The following STARD13 variants were observed in gnomAD, a reference collection of about 807,000 sequenced individuals.
STARD13 encodes StAR related lipid transfer domain containing 13.
A neutral mutation model predicts 106.4 loss-of-function variants in STARD13; 62 were observed. The observed-to-expected ratio is 0.58, with a 90% confidence interval of 0.48 to 0.72. The LOEUF (loss-of-function observed/expected upper bound fraction) is 0.72. Among genes scored for constraint, STARD13 ranks in the 30% least tolerant of loss-of-function variants. STARD13 has a pLI of 0.00. For missense variants in STARD13, 1,387 were observed against 1,424.0 expected (o/e 0.97, Z 0.42); for synonymous variants, 565 against 553.0 (o/e 1.02, Z -0.31).
chr13:33,634,999 A>G, the STARD13 span, among the ~76,000 whole-genome samples: 1 of 152,202 alleles, frequency 6.6e-6, no homozygotes, highest in Admixed American at 6.5e-5. Flanking sequence ...CTTTGGAGAT[A>G]CTACCAAAGG....
At chr13:33,514,957 G>A in the STARD13 span, among the ~76,000 whole-genome samples, 1 of 152,110 alleles carries the variant, frequency 6.6e-6, no homozygotes, top group Non-Finnish European at 1.5e-5. Context: ...TGGGAGTGGA[G>A]CCTCGGAAAG....
At chr13:33,350,203 GA>G in intron 1 of STARD13, 1 of 1,427,916 alleles carries the variant, frequency 7.0e-7, no homozygotes. Context: ...CTGGAGCCCA[GA>G]GCAGAGGAGG....
chr13:33,609,080 C>T, the STARD13 span, among the ~76,000 whole-genome samples: 225 of 99,176 alleles, frequency 2.3e-3, no homozygotes, highest in African/African-American at 5.0e-3. Context: ...AGCGAGACTC[C>T]GTCTCAAAAA....
chr13:33,457,256 T>A, the STARD13 span, among the ~76,000 whole-genome samples: 2 of 152,212 alleles, frequency 1.3e-5, no homozygotes, highest in African/African-American at 4.8e-5. Context: ...GGAACTTTTG[T>A]GAAATAAACA....
At chr13:33,458,382 C>A in the STARD13 span, among the ~76,000 whole-genome samples, 9 of 151,468 alleles carry the variant, frequency 5.9e-5, no homozygotes, top group Non-Finnish European at 1.5e-5. Context: ...ATGCCATTCT[C>A]CTGCTTCAGC....
chr13:33,482,124 ATAC>A, the STARD13 span, among the ~76,000 whole-genome samples: 1 of 152,230 alleles, frequency 6.6e-6, no homozygotes, highest in Non-Finnish European at 1.5e-5. Flanking sequence ...TTAGAGATAT[ATAC>A]TACAATTTTA....
At chr13:33,592,115 G>C in the STARD13 span, among the ~76,000 whole-genome samples, 2 of 152,064 alleles carry the variant, frequency 1.3e-5, no homozygotes, top group Non-Finnish European at 2.9e-5. Flanking sequence ...TCTTCAAAAC[G>C]CAATTAGAAT....
the STARD13 span, among the ~76,000 whole-genome samples, chr13:33,491,634 TA>T: frequency 3.9e-5 from 6 of 152,166 alleles, no homozygotes; most frequent in South Asian, 2.1e-4. Flanking sequence ...CCACTTCTCA[TA>T]AAAAAATGGT....
the STARD13 span, among the ~76,000 whole-genome samples, chr13:33,528,656 C>T: frequency 5.3e-5 from 8 of 152,030 alleles, no homozygotes; most frequent in Admixed American, 2.0e-4. Flanking sequence ...ATTTATTTCT[C>T]CTGCTAAATT....
chr13:33,245,388 C>T (rs1377386251), intron 1 of STARD13, among the ~76,000 whole-genome samples: 4 of 152,134 alleles, frequency 2.6e-5, no homozygotes, highest in African/African-American at 4.8e-5. Flanking sequence ...AAAAAATATC[C>T]TGTGAATGCA....
At chr13:33,533,767 T>C in the STARD13 span, among the ~76,000 whole-genome samples, 1 of 152,196 alleles carries the variant, frequency 6.6e-6, no homozygotes, top group Non-Finnish European at 1.5e-5. Flanking sequence ...ACCTCTTCCA[T>C]GGAGACTTCC....
intron 1 of STARD13, among the ~76,000 whole-genome samples, chr13:33,253,862 T>C (rs1434700183): frequency 1.3e-5 from 2 of 152,248 alleles, no homozygotes; most frequent in Admixed American, 6.5e-5. Context: ...CTTGAACGGA[T>C]ACAAATTTGA....
At chr13:33,473,994 G>A in the STARD13 span, among the ~76,000 whole-genome samples, 2 of 152,156 alleles carry the variant, frequency 1.3e-5, no homozygotes, top group Non-Finnish European at 2.9e-5. Flanking sequence ...GCAGCAGTTA[G>A]ATTGCATTTT....
rs1594227817 is a variant in STARD13, at chr13:33,292,494, G to C, written c.124+57796C>G. ...TGAGGGCCTGTAGTCCCATCTAATT[G>C]GAAGGCTGAGGTAGGAGCATGACTT... On this transcript the variant is annotated intron_variant, in intron 1 of 5. Coordinates refer to the STARD13 transcript ENST00000567873. Among the ~76,000 whole-genome samples, 2 of 151,580 alleles carry C rather than the reference G, an allele frequency of 1.3e-5. 1 individual carries two copies. Among genetic ancestry groups the C allele is most frequent in the East Asian group, 3.9e-4 (2 of 5,152 alleles).
intron 8 of STARD13, among the ~76,000 whole-genome samples, chr13:33,115,077 C>T (rs1875172599): frequency 6.6e-6 from 1 of 152,084 alleles, no homozygotes; most frequent in Non-Finnish European, 1.5e-5. Context: ...TTTCCACATT[C>T]TTTCAATCAT....
At chr13:33,658,280 A>G in the STARD13 span, 1 of 152,336 alleles carries the variant, frequency 6.6e-6, no homozygotes, top group Admixed American at 6.5e-5. Context: ...CGTTGTATGT[A>G]CATACCGCAT....
intron 1 of STARD13, among the ~76,000 whole-genome samples, chr13:33,169,511 G>A (rs537786635): frequency 3.3e-5 from 5 of 152,260 alleles, no homozygotes; most frequent in Non-Finnish European, 5.9e-5. Flanking sequence ...ATAATACAGC[G>A]GATAGTAACG....
Position 33,109,408 on chromosome 13 carries a change from T to G in STARD13, c.3047+465A>C, listed in dbSNP as rs144806852. On this transcript the variant is annotated intron_variant, in intron 12 of 13. Coordinates refer to ENST00000336934, the MANE Select transcript of STARD13 (RefSeq NM_178006.4). ...AGGGCAGTGCCAAGGTTTCTGAGCA[T>G]AGTAATAGCTATGAGCATCTGAAGT... 9.8e-5 allele frequency among the ~76,000 whole-genome samples: 15 copies of G among 152,314 alleles called. 1 individual carries two copies. In the East Asian group the frequency reaches 2.9e-3, roughly 29 times the overall value.
At chr13:33,495,798 T>C in the STARD13 span, among the ~76,000 whole-genome samples, 1 of 147,824 alleles carries the variant, frequency 6.8e-6, no homozygotes, top group Admixed American at 6.8e-5. Context: ...AGTATTATAA[T>C]ATAATCATTT....
Sources: gnomAD v4.1 joint callset for allele counts (sites outside exome capture counted in the v4.1 genomes callset) on GRCh38, gnomAD v4.1.1 for gene constraint, MANE v1.5 for transcripts, NCBI Gene and HGNC (gene_info 2026-07-23, HGNC 2026-07-21) for gene names.